The following TBCA variants were observed in gnomAD, a reference collection of about 807,000 sequenced individuals.
The protein encoded by TBCA is tubulin-specific chaperone A.
A neutral mutation model predicts 15.8 loss-of-function variants in TBCA; 6 were observed. The ratio of observed to expected loss-of-function variants is 0.38; its 90% CI spans 0.21 to 0.75. The LOEUF (loss-of-function observed/expected upper bound fraction) is 0.75, where lower values mean the gene tolerates loss of function less well. TBCA is among the 30% of genes least tolerant of loss of function. The pLI, the probability that TBCA is intolerant of heterozygous loss-of-function variation, is 0.46. For synonymous variants in TBCA, 32 were observed against 42.3 expected (o/e 0.76, Z 0.94); for missense variants, 90 against 131.2 (o/e 0.69, Z 1.53).
At chr5:77,725,142 A>C (rs1295050503) in intron 1 of TBCA, among the ~76,000 whole-genome samples, 1 of 152,112 alleles carries the variant, frequency 6.6e-6, no homozygotes, top group Non-Finnish European at 1.5e-5. Flanking sequence ...ACAGCTCTAA[A>C]CTACAGCCAG....
chr5:77,752,474 C>T (rs1005885186), intron 1 of TBCA, among the ~76,000 whole-genome samples: 4 of 152,346 alleles, frequency 2.6e-5, no homozygotes, highest in South Asian at 4.1e-4. Flanking sequence ...AATGATCCTA[C>T]TGCCTCAGCC....
At chr5:77,697,117 A>C (rs936093036) in intron 2 of TBCA, among the ~76,000 whole-genome samples, 2 of 152,246 alleles carry the variant, frequency 1.3e-5, no homozygotes, top group African/African-American at 4.8e-5. Context: ...ATAGCACTGA[A>C]AGGAAAAACA....
At chr5:77,746,510 A>ACT (rs1055736129) in intron 1 of TBCA, among the ~76,000 whole-genome samples, 22 of 152,198 alleles carry the variant, frequency 1.4e-4, no homozygotes, top group African/African-American at 4.3e-4. Flanking sequence ...ATGCCCCAAT[A>ACT]CTACCTTGAA....
chr5:77,776,112 C>A, intron 1 of TBCA, 93 bp downstream of exon 1: 1 of 1,488,798 alleles, frequency 6.7e-7, no homozygotes, highest in Non-Finnish European at 9.1e-7. Context: ...CGGAGCCCGC[C>A]TCGGGCCTCC....
rs571598559 is a variant in TBCA at position 77,737,021 on chromosome 5, C to G, written c.54-28674G>C. Among the ~76,000 whole-genome samples, 12 of 152,248 alleles carry G rather than the reference C, an allele frequency of 7.9e-5. 1 individual carries two copies. In the South Asian group the frequency reaches 2.5e-3, roughly 32 times the overall value. On this transcript the variant is annotated intron_variant, in intron 1 of 3. Coordinates refer to ENST00000380377, the MANE Select transcript of TBCA (RefSeq NM_004607.3). ...CATTGTTTCTGGAATCTAGAAAAGA[C>G]TTTTGGGAATATAGGAGAATAACAT...
intron 1 of TBCA, among the ~76,000 whole-genome samples, chr5:77,727,603 A>G (rs1009798411): frequency 2.6e-5 from 4 of 152,202 alleles, no homozygotes; most frequent in Non-Finnish European, 4.4e-5. Flanking sequence ...ATTTATAGAT[A>G]AGCTACACAA....
intron 1 of TBCA, among the ~76,000 whole-genome samples, chr5:77,710,102 CTG>C (rs1305097227): frequency 6.6e-6 from 1 of 152,126 alleles, no homozygotes; most frequent in African/African-American, 2.4e-5. Flanking sequence ...TTGCACAACT[CTG>C]TGAATCTACT....
chr5:77,757,328 G>A (rs905939118), intron 1 of TBCA, among the ~76,000 whole-genome samples: 44 of 152,134 alleles, frequency 2.9e-4, no homozygotes, highest in African/African-American at 1.0e-3. Flanking sequence ...CGGGACCCCA[G>A]CTAAAGACTG....
intron 1 of TBCA, among the ~76,000 whole-genome samples, chr5:77,726,717 G>A (rs1746637677): frequency 1.3e-5 from 2 of 152,114 alleles, no homozygotes; most frequent in South Asian, 4.1e-4. Context: ...TTCACTAAAG[G>A]AGAAGCTGAA....
At chr5:77,741,283 C>A (rs1298157525) in intron 1 of TBCA, among the ~76,000 whole-genome samples, 1 of 152,094 alleles carries the variant, frequency 6.6e-6, no homozygotes, top group African/African-American at 2.4e-5. Context: ...AGTGACTTCA[C>A]CATACCTGAA....
chr5:77,715,175 A>T (rs1039870289), intron 1 of TBCA: 4 of 689,032 alleles, frequency 5.8e-6, no homozygotes, highest in Non-Finnish European at 1.0e-5. Flanking sequence ...AGGCCAAGGG[A>T]TCTATTTTTA....
chr5:77,734,924 G>A (rs1746863643), intron 1 of TBCA, among the ~76,000 whole-genome samples: 1 of 152,150 alleles, frequency 6.6e-6, no homozygotes, highest in Non-Finnish European at 1.5e-5. Flanking sequence ...ACAGCAAAAA[G>A]ATTACAATTC....
chr5:77,695,282 T>C (rs1745847971), intron 2 of TBCA, among the ~76,000 whole-genome samples: 1 of 152,134 alleles, frequency 6.6e-6, no homozygotes, highest in South Asian at 2.1e-4. Context: ...GGACTCCAAC[T>C]TACACAGGGC....
intron 1 of TBCA, among the ~76,000 whole-genome samples, chr5:77,742,697 T>C (rs150280004): frequency 2.0e-5 from 3 of 152,342 alleles, no homozygotes; most frequent in Admixed American, 6.5e-5. Flanking sequence ...CTATATGAGC[T>C]GTGAAGATGG....
At chr5:77,714,184 G>A (rs974064633) in intron 1 of TBCA, among the ~76,000 whole-genome samples, 1 of 152,018 alleles carries the variant, frequency 6.6e-6, no homozygotes, top group African/African-American at 2.4e-5. Context: ...GTCAGGTGTG[G>A]TGGCAGGTGC....
intron 1 of TBCA, among the ~76,000 whole-genome samples, chr5:77,749,793 A>G (rs1346203230): frequency 1.3e-5 from 2 of 152,192 alleles, no homozygotes; most frequent in Non-Finnish European, 2.9e-5. Context: ...AAACAGCAAA[A>G]CTTTGGAAAC....
At chr5:77,701,575 T>C (rs1219910453) in intron 2 of TBCA, among the ~76,000 whole-genome samples, 1 of 151,178 alleles carries the variant, frequency 6.6e-6, no homozygotes, top group Non-Finnish European at 1.5e-5. Context: ...GACGTCATTA[T>C]ATGAAAAAGA....
chr5:77,708,115 A>G (rs1477752864), intron 2 of TBCA, 127 bp downstream of exon 2: 1 of 625,040 alleles, frequency 1.6e-6, no homozygotes, highest in African/African-American at 1.8e-5. Context: ...TTATCTTTAA[A>G]TGGAAGTTTT....
chr5:77,714,819 A>G (rs1464091790), intron 1 of TBCA, among the ~76,000 whole-genome samples: 2 of 151,606 alleles, frequency 1.3e-5, no homozygotes, highest in Non-Finnish European at 2.9e-5. Context: ...GCCCACCTCG[A>G]CCTCCCAAAG....
Sources: allele counts gnomAD v4.1 joint callset (sites outside exome capture counted in the v4.1 genomes callset), GRCh38; gene constraint gnomAD v4.1.1; transcripts MANE v1.5; gene names NCBI Gene and HGNC (gene_info 2026-07-23, HGNC 2026-07-21).